Variants in WDR35 observed in about 807,000 individuals in gnomAD.
WDR35 encodes WD repeat domain 35, also known as WD repeat-containing protein 35.
A neutral mutation model predicts 158.3 loss-of-function variants in WDR35; 118 were observed. The observed-to-expected ratio is 0.75, with a 90% CI of 0.64 to 0.87. WDR35 has a LOEUF of 0.87. WDR35 is among the 40% of genes least tolerant of loss of function. The pLI, the probability that WDR35 is intolerant of heterozygous loss-of-function variation, is 0.00. For missense variants in WDR35, 1,263 were observed against 1,405.8 expected (o/e 0.90, Z 1.62); for synonymous variants, 448 against 476.1 (o/e 0.94, Z 0.77).
rs76623454 is a variant in WDR35 at position 19,966,860 on chromosome 2, C to G, written c.1058G>C (p.Arg353Pro). Residue 353 changes from arginine (R) to proline (P), a missense_variant, in exon 10 of 27, where the codon CGT becomes CCT. Physicochemically the swap from Arg to Pro is moderately radical, Grantham distance 103. Transcript: ENST00000281405. ...CCAGAAGACAACACAATATTCTGGA[C>G]GATCAGGTCTGGTATATGCATAAAC... is the stretch of plus-strand genomic sequence containing the variant. The part of the protein sequence containing the change: ...TVVYAYTRPD[R>P]PEYCVVFWDT... 3.9e-4 allele frequency: 627 copies of G among 1,613,666 alleles called. 5 individuals are homozygous for G. In the East Asian group the frequency reaches 9.9e-3, roughly 25 times the overall value.
rs1226746874 is a variant in WDR35 at position 19,958,496 on chromosome 2, G to A, written c.1255+2058C>T. ...TTTGTTCAGAAATCCCACAGGAAAT[G>A]TCATAATTAATTTCTTATTATTCCC... On this transcript the variant is annotated intron_variant, in intron 11 of 26. Transcript: ENST00000281405. Among the ~76,000 whole-genome samples, 4 of 152,174 alleles carry A rather than the reference G, an allele frequency of 2.6e-5. No individual in the cohort carries two copies. In the East Asian group the frequency reaches 7.7e-4, roughly 29 times the overall value.
At chr2:19,920,868 T>TA (rs1670146667) in intron 25 of WDR35, among the ~76,000 whole-genome samples, 2 of 152,270 alleles carry the variant, frequency 1.3e-5, no homozygotes, top group Middle Eastern at 6.8e-3. Context: ...AGCTGATAAG[T>TA]AACTTCAGCA....
At chr2:19,942,240 T>C (rs952656824) in intron 16 of WDR35, among the ~76,000 whole-genome samples, 1 of 152,172 alleles carries the variant, frequency 6.6e-6, no homozygotes, top group Non-Finnish European at 1.5e-5. Context: ...AAATTCTAAT[T>C]CATGCAATTC....
At chr2:19,933,250 C>T (rs1023153791) in intron 22 of WDR35, 151 bp downstream of exon 22, 3 of 697,018 alleles carry the variant, frequency 4.3e-6, no homozygotes, top group East Asian at 2.7e-5. Context: ...AGAGAATACC[C>T]GCCTGGCTCC....
intron 2 of WDR35, among the ~76,000 whole-genome samples, chr2:19,988,370 G>GC (rs1672637675): frequency 6.6e-6 from 1 of 152,190 alleles, no homozygotes; most frequent in Non-Finnish European, 1.5e-5. Flanking sequence ...AAATTCTCAG[G>GC]CCCCATCCCG....
In WDR35 at chr2:19,911,333, C is replaced by A. The variant is rs1669828495; in HGVS notation, c.*2225G>T. 6.6e-6 allele frequency: 1 copy of A among 152,216 alleles called. No homozygotes were observed. Among genetic ancestry groups the A allele is most frequent in the Non-Finnish European group, 1.5e-5 (1 of 68,058 alleles). The allele number at this position is 152,216 out of a possible 1,614,324, so 9.4% of individuals were successfully genotyped here. A position where few individuals can be genotyped will look rare whatever the true frequency, so the allele number is the denominator to read the frequency against. Reference sequence around the variant, plus strand: ...AAGAAGAGATACTCAAGCATTAGACCATGGACTAAGAATTGCAGCTCTGAC... The same window carrying A: ...AAGAAGAGATACTCAAGCATTAGACAATGGACTAAGAATTGCAGCTCTGAC... On this transcript the variant is annotated 3_prime_UTR_variant, in exon 27 of 27. Coordinates refer to ENST00000281405, the MANE Select transcript of WDR35 (RefSeq NM_020779.4).
intron 11 of WDR35, among the ~76,000 whole-genome samples, chr2:19,954,781 C>T (rs1671370217): frequency 6.6e-6 from 1 of 152,202 alleles, no homozygotes; most frequent in Non-Finnish European, 1.5e-5. Flanking sequence ...CTATATGCCT[C>T]AGCAATTCCA....
intron 16 of WDR35, among the ~76,000 whole-genome samples, chr2:19,942,549 T>C (rs1309564399): frequency 8.4e-6 from 1 of 118,718 alleles, no homozygotes; most frequent in African/African-American, 3.2e-5. Context: ...TCATTAGAAA[T>C]TTTTTTTTTA....
At chr2:19,943,861 G>T (rs1363723486) in intron 16 of WDR35, among the ~76,000 whole-genome samples, 1 of 152,002 alleles carries the variant, frequency 6.6e-6, no homozygotes, top group Non-Finnish European at 1.5e-5. Context: ...CACACAGATG[G>T]CATCTTTTTC....
intron 9 of WDR35, among the ~76,000 whole-genome samples, chr2:19,969,068 C>G (rs1415695330): frequency 6.6e-6 from 1 of 152,198 alleles, no homozygotes; most frequent in Non-Finnish European, 1.5e-5. Context: ...GCAGAGCAGA[C>G]CCTCTTGCAC....
At chr2:19,955,743 C>T (rs900167701) in intron 11 of WDR35, among the ~76,000 whole-genome samples, 1 of 152,168 alleles carries the variant, frequency 6.6e-6, no homozygotes, top group African/African-American at 2.4e-5. Flanking sequence ...TTATAGAGTT[C>T]TTGCCAGAGT....
At chr2:19,913,930 A>G in intron 26 of WDR35, 107 bp downstream of exon 26, 1 of 1,534,292 alleles carries the variant, frequency 6.5e-7, no homozygotes, top group Non-Finnish European at 8.9e-7. Flanking sequence ...TGTTAATGTG[A>G]ATTGCTTCAA....
At position 19,913,496 on chromosome 2, in the gene WDR35, C is replaced by T; in HGVS notation, c.*62G>A. ...ACAGAAATAAACCTTATTACATATA[C>T]AGCATATAGCCATGTATATATGCTA... On this transcript the variant is annotated 3_prime_UTR_variant, in exon 27 of 27. Transcript: ENST00000281405. 1 of 1,571,408 alleles carries T rather than the reference C, an allele frequency of 6.4e-7. No homozygotes were observed. The highest frequency in any genetic ancestry group is 8.8e-7 in the Non-Finnish European group (1 of 1,142,420).
chr2:19,917,519 A>C (rs1251943615), intron 25 of WDR35, among the ~76,000 whole-genome samples: 1 of 152,268 alleles, frequency 6.6e-6, no homozygotes, highest in Non-Finnish European at 1.5e-5. Context: ...CGAATTGCTA[A>C]CTAGAATAAC....
chr2:19,915,999 A>G (rs907789094), intron 25 of WDR35, among the ~76,000 whole-genome samples: 1 of 151,874 alleles, frequency 6.6e-6, no homozygotes, highest in Non-Finnish European at 1.5e-5. Flanking sequence ...AGCTCCCAGC[A>G]AGATTGACGC....
intron 13 of WDR35, 35 bp downstream of exon 13, chr2:19,951,380 T>C (rs1178971345): frequency 6.7e-7 from 1 of 1,498,600 alleles, no homozygotes; most frequent in Non-Finnish European, 9.2e-7. Flanking sequence ...AATCTACAGA[T>C]ATTAACATTT....
chr2:19,980,252 C>G (rs773990166), intron 4 of WDR35, among the ~76,000 whole-genome samples: 1 of 152,112 alleles, frequency 6.6e-6, no homozygotes, highest in Non-Finnish European at 1.5e-5. Context: ...ATAAAAGGTT[C>G]TACGTATAAA....
intron 25 of WDR35, among the ~76,000 whole-genome samples, chr2:19,924,108 G>A (rs897317018): frequency 6.6e-6 from 1 of 152,172 alleles, no homozygotes; most frequent in South Asian, 2.1e-4. Flanking sequence ...ATGCACAAGT[G>A]GTCATGCAGG....
Position 19,910,686 on chromosome 2 carries a change from T to A in WDR35, c.*2872A>T, listed in dbSNP as rs1189563695. On this transcript the variant is annotated 3_prime_UTR_variant, in exon 27 of 27. Coordinates refer to ENST00000281405, the MANE Select transcript of WDR35 (RefSeq NM_020779.4). ...CTCACCAGGTAATTGTTTTTTATGG[T>A]CAGTTTTGCTTTTCTTTGTCCCCCT... 6.6e-6 allele frequency: 1 copy of A among 152,256 alleles called. No homozygotes were observed. Among genetic ancestry groups the A allele is most frequent in the Non-Finnish European group, 1.5e-5 (1 of 68,052 alleles). The allele number at this position is 152,256 out of a possible 1,614,324, so 9.4% of individuals were successfully genotyped here.
Sources: allele counts gnomAD v4.1 joint callset (sites outside exome capture counted in the v4.1 genomes callset), GRCh38; gene constraint gnomAD v4.1.1; transcripts MANE v1.5; gene names NCBI Gene and HGNC (gene_info 2026-07-23, HGNC 2026-07-21).